FBN2: variants seen among roughly 807,000 people sequenced by gnomAD.
The protein encoded by FBN2 is fibrillin-2.
Under a neutral mutation model 355.6 loss-of-function variants are expected in FBN2, and 105 were observed. The ratio of observed to expected loss-of-function variants is 0.30; its 90% confidence interval spans 0.25 to 0.35. The LOEUF (loss-of-function observed/expected upper bound fraction) is 0.35, where lower values mean the gene tolerates loss of function less well. Ranked by LOEUF, FBN2 falls within the 10% of genes least tolerant of loss-of-function variation. The pLI is 1.00. For missense variants in FBN2, 3,280 were observed against 3,758.7 expected (o/e 0.87, Z 3.33); for synonymous variants, 1,350 against 1,301.2 (o/e 1.04, Z -0.81).
intron 18 of FBN2, among the ~76,000 whole-genome samples, chr5:128,362,641 T>A (rs914300604): frequency 6.6e-6 from 1 of 152,100 alleles, no homozygotes; most frequent in Non-Finnish European, 1.5e-5. Flanking sequence ...TTAAAACAAT[T>A]TTTTTTAGAG....
intron 18 of FBN2, among the ~76,000 whole-genome samples, chr5:128,363,363 T>C (rs1377283846): frequency 1.3e-5 from 2 of 152,082 alleles, no homozygotes; most frequent in African/African-American, 4.8e-5. Flanking sequence ...CTAATTTTTG[T>C]ATTTTTTAGT....
intron 31 of FBN2, among the ~76,000 whole-genome samples, chr5:128,333,805 C>T (rs564974550): frequency 6.8e-6 from 1 of 146,920 alleles, no homozygotes; most frequent in Admixed American, 6.9e-5. Context: ...TGTGTTCTAT[C>T]TAGTTCAACG....
At chr5:128,367,206 G>T (rs1208027277) in intron 16 of FBN2, among the ~76,000 whole-genome samples, 1 of 152,072 alleles carries the variant, frequency 6.6e-6, no homozygotes, top group Non-Finnish European at 1.5e-5. Context: ...GTTTTAGATA[G>T]TTCTTCCCCT....
chr5:128,527,866 C>A lies in FBN2; in HGVS notation c.532+6G>T. 1 of 1,558,276 alleles carries A rather than the reference C, an allele frequency of 6.4e-7. No homozygotes were observed. The highest frequency in any genetic ancestry group is 8.9e-7 in the Non-Finnish European group (1 of 1,129,790). On this transcript the variant is annotated splice_donor_region_variant and intron_variant, in intron 4 of 64. Transcript: ENST00000262464. ...AAATGATTTCTAATAAATCAATGTCCCTTACGTTGTCCACAATAAGTTCCA... is the reference window on the plus strand; with the variant it reads ...AAATGATTTCTAATAAATCAATGTCACTTACGTTGTCCACAATAAGTTCCA...
chr5:128,333,874 C>CA (rs774964171), intron 31 of FBN2, among the ~76,000 whole-genome samples: 4,645 of 65,614 alleles, frequency 0.071, 89 homozygotes, highest in East Asian at 0.32. Context: ...CACACACACA[C>CA]ACTACTGGCT....
chr5:128,267,094 T>G (rs1765135256), intron 62 of FBN2, among the ~76,000 whole-genome samples: 1 of 152,090 alleles, frequency 6.6e-6, no homozygotes, highest in African/African-American at 2.4e-5. Flanking sequence ...TCTGTTCCTG[T>G]GTTAGTTTGC....
chr5:128,286,876 T>C (rs771020099), intron 54 of FBN2, 27 bp from the exon 55 acceptor site: 16 of 1,609,736 alleles, frequency 9.9e-6, no homozygotes, highest in Middle Eastern at 1.6e-4. Flanking sequence ...AAATTAAAAA[T>C]TATCTGGAGC....
intron 62 of FBN2, among the ~76,000 whole-genome samples, chr5:128,271,241 A>G (rs1322517365): frequency 6.6e-6 from 1 of 152,238 alleles, no homozygotes; most frequent in Non-Finnish European, 1.5e-5. Context: ...ATTTCTCTGC[A>G]GGACCACAGT....
chr5:128,278,135 C>T, intron 57 of FBN2, 130 bp from the exon 58 acceptor site: 2 of 888,372 alleles, frequency 2.3e-6, no homozygotes, highest in Non-Finnish European at 3.7e-6. Context: ...AGCACTGGAG[C>T]ACCTGTTCAT....
intron 11 of FBN2, among the ~76,000 whole-genome samples, chr5:128,381,752 G>A (rs1202545402): frequency 6.6e-6 from 1 of 152,092 alleles, no homozygotes; most frequent in African/African-American, 2.4e-5. Context: ...AGAAGCACCA[G>A]GTGGTATCAG....
chr5:128,361,170 A>C (rs1751628973), intron 19 of FBN2, among the ~76,000 whole-genome samples: 3 of 152,224 alleles, frequency 2.0e-5, no homozygotes, highest in African/African-American at 7.2e-5. Context: ...TTTAAACACT[A>C]GTTATGGTCT....
chr5:128,410,009 G>A lies in FBN2; in HGVS notation c.953-1210C>T, dbSNP rs1753023124. Among the ~76,000 whole-genome samples, 4 of 152,080 alleles carry A rather than the reference G, an allele frequency of 2.6e-5. No homozygotes were observed. The South Asian group carries it at 8.3e-4, about 32-fold the overall frequency. ...AAGCTTTATCATGAAATAACTATAC[G>A]CTGTGTGTCTTCTTGGCATGTTCTT... On this transcript the variant is annotated intron_variant, in intron 7 of 64. Coordinates refer to ENST00000262464, the MANE Select transcript of FBN2 (RefSeq NM_001999.4).
rs1197539755 is a variant in FBN2, at chr5:128,311,458, A to C, written c.4949-33T>G. 1.9e-6 allele frequency: 3 copies of C among 1,611,160 alleles called. No individual in the cohort carries two copies. The South Asian group carries it at 3.3e-5, about 18-fold the overall frequency. ...AAGGGAGACAGTGCACTTAAAACAAACACCTTCACTAAGGATAAGAGTTAA... is the reference window on the plus strand; with the variant it reads ...AAGGGAGACAGTGCACTTAAAACAACCACCTTCACTAAGGATAAGAGTTAA... On this transcript the variant is annotated intron_variant, in intron 38 of 64. Transcript: ENST00000262464.
intron 5 of FBN2, among the ~76,000 whole-genome samples, chr5:128,480,051 C>T (rs1477972014): frequency 5.8e-5 from 7 of 120,836 alleles, no homozygotes; most frequent in Non-Finnish European, 8.7e-5. Context: ...CACACATATT[C>T]TATGTATATA....
chr5:128,537,691 C>A lies in FBN2; in HGVS notation c.-88G>T. 7.6e-7 allele frequency: 1 copy of A among 1,318,374 alleles called. No individual in the cohort carries two copies. The highest frequency in any genetic ancestry group is 1.1e-6 in the Non-Finnish European group (1 of 942,332). The allele number at this position is 1,318,374 out of a possible 1,614,324, so 81.7% of individuals were successfully genotyped here. ...GCGCGCCTCAGAAAAGAGTCAGGGT[C>A]TAATAAGCCCTTCGTCGGCTCCGGG... is the stretch of plus-strand genomic sequence containing the variant. On this transcript the variant is annotated 5_prime_UTR_variant, in exon 1 of 65. Transcript: ENST00000262464.
At chr5:128,525,038 G>A (rs965179027) in intron 4 of FBN2, among the ~76,000 whole-genome samples, 2 of 152,104 alleles carry the variant, frequency 1.3e-5, no homozygotes, top group African/African-American at 4.8e-5. Flanking sequence ...TGAAGAACAA[G>A]AGACACACCC....
rs1751723993 is a variant in FBN2, at chr5:128,364,759, C to A, written c.2303-34G>T. On this transcript the variant is annotated intron_variant, in intron 17 of 64. Transcript: ENST00000262464. Reference sequence around the variant, plus strand: ...AATATTGAAAGTTTAGTGCTATCAACAAACATGTTATTGTTTGTTGATAAA... The same window carrying A: ...AATATTGAAAGTTTAGTGCTATCAAAAAACATGTTATTGTTTGTTGATAAA... 1.9e-6 allele frequency: 3 copies of A among 1,582,522 alleles called. No individual in the cohort carries two copies. The South Asian group carries it at 3.3e-5, about 18-fold the overall frequency.
At chr5:128,489,521 C>A (rs907703608) in intron 5 of FBN2, among the ~76,000 whole-genome samples, 2 of 151,980 alleles carry the variant, frequency 1.3e-5, no homozygotes, top group South Asian at 4.1e-4. Context: ...TGTATTCAGG[C>A]TTTCTGGTAA....
intron 18 of FBN2, among the ~76,000 whole-genome samples, chr5:128,363,277 G>A (rs1365526571): frequency 7.2e-5 from 11 of 151,856 alleles, no homozygotes; most frequent in Admixed American, 1.3e-4. Context: ...TGCAGCCTCC[G>A]CATCCCGGGT....
Sources: gnomAD v4.1 joint callset for allele counts (sites outside exome capture counted in the v4.1 genomes callset) on GRCh38, gnomAD v4.1.1 for gene constraint, MANE v1.5 for transcripts, NCBI Gene and HGNC (gene_info 2026-07-23, HGNC 2026-07-21) for gene names.